Variants in KDM4C observed in about 807,000 individuals in gnomAD.
KDM4C encodes lysine-specific demethylase 4C.
In KDM4C, 81 loss-of-function variants were observed where a neutral mutation model predicts 129.3. The observed-to-expected ratio is 0.63, with a 90% CI of 0.52 to 0.75. KDM4C has a LOEUF of 0.75. Among genes scored for constraint, KDM4C ranks in the 30% least tolerant of loss-of-function variants. The probability of loss-of-function intolerance (pLI) is 0.00; values close to 1 mark genes in which losing one functional copy is unlikely to be tolerated. For missense variants in KDM4C, 1,457 were observed against 1,304.0 expected, an observed-to-expected ratio of 1.12 and a Z score of -1.81; for synonymous variants, 573 against 456.1, an observed-to-expected ratio of 1.26 and a Z score of -3.26.
chr9:6,897,644 G>T (rs571641702), intron 8 of KDM4C, among the ~76,000 whole-genome samples: 1 of 152,272 alleles, frequency 6.6e-6, no homozygotes, highest in East Asian at 1.9e-4. Context: ...TGCCCAGTGA[G>T]TTCCTCCTGT....
At chr9:6,843,018 C>T (rs1178662010) in intron 4 of KDM4C, among the ~76,000 whole-genome samples, 1 of 152,156 alleles carries the variant, frequency 6.6e-6, no homozygotes, top group Admixed American at 6.5e-5. Flanking sequence ...TAACTTCCAC[C>T]GCCAGGGTTC....
chr9:7,107,770 C>G (rs1466789289), intron 18 of KDM4C, among the ~76,000 whole-genome samples: 1 of 152,138 alleles, frequency 6.6e-6, no homozygotes, highest in African/African-American at 2.4e-5. Context: ...AGAGAAAACG[C>G]TGTATTGGTT....
At position 7,049,110 on chromosome 9, in the gene KDM4C, C is replaced by T. The variant is rs773293209; in HGVS notation, c.2334C>T (p.Cys778=). The change falls in exon 17 of 22, where the codon TGC becomes TGT. Residue 778 remains cysteine (C), a synonymous_variant. Transcript: ENST00000381309. ...TKNNKWAHVM[C]AVAVPEVRFT... ...CCTGTAGGTGGGCCCATGTCATGTG[C>T]GCCGTTGCGGTCCCAGAAGTTCGAT... 1.5e-5 allele frequency: 24 copies of T among 1,611,430 alleles called. No homozygotes were observed. Among genetic ancestry groups the T allele is most frequent in the African/African-American group, 2.7e-5 (2 of 74,752 alleles).
At chr9:7,096,294 T>C (rs994514604) in intron 17 of KDM4C, among the ~76,000 whole-genome samples, 1 of 152,190 alleles carries the variant, frequency 6.6e-6, no homozygotes, top group Non-Finnish European at 1.5e-5. Flanking sequence ...GCCTTTAATA[T>C]TTAATTTCTT....
chr9:6,734,903 C>T, intron 1 of KDM4C: 4 of 567,886 alleles, frequency 7.0e-6, no homozygotes, highest in Non-Finnish European at 1.4e-5. Context: ...AAGGTAGTCC[C>T]CAGTCTGTGC....
At chr9:6,833,769 A>C (rs920668323) in intron 4 of KDM4C, among the ~76,000 whole-genome samples, 6 of 152,214 alleles carry the variant, frequency 3.9e-5, no homozygotes, top group African/African-American at 1.4e-4. Flanking sequence ...CCAGGCCTTA[A>C]CGAGATAGTT....
chr9:6,911,631 T>C (rs1348494007), intron 8 of KDM4C, among the ~76,000 whole-genome samples: 1 of 152,254 alleles, frequency 6.6e-6, no homozygotes, highest in Non-Finnish European at 1.5e-5. Context: ...TATAAAATGT[T>C]CATATTTAGT....
At chr9:7,124,408 C>G (rs569662598) in intron 18 of KDM4C, among the ~76,000 whole-genome samples, 2 of 152,204 alleles carry the variant, frequency 1.3e-5, no homozygotes, top group African/African-American at 4.8e-5. Context: ...CTCAGGGCCA[C>G]TGTCTGTGGC....
chr9:6,854,660 T>C (rs1839485334), intron 5 of KDM4C, among the ~76,000 whole-genome samples: 1 of 151,998 alleles, frequency 6.6e-6, no homozygotes. Context: ...TTCCTGAAGG[T>C]TTTTAGAAAA....
intron 19 of KDM4C, among the ~76,000 whole-genome samples, chr9:7,148,352 T>C (rs1842410503): frequency 1.3e-5 from 2 of 152,168 alleles, no homozygotes; most frequent in Non-Finnish European, 2.9e-5. Context: ...TTCAGCCCAT[T>C]TGTGTTACAG....
intron 8 of KDM4C, among the ~76,000 whole-genome samples, chr9:6,956,266 A>T (rs1829049286): frequency 1.3e-5 from 2 of 152,246 alleles, no homozygotes; most frequent in Non-Finnish European, 2.9e-5. Flanking sequence ...GATTGTTTGT[A>T]ACTCAAAGGA....
chr9:6,876,525 A>G (rs1435876411), intron 5 of KDM4C, among the ~76,000 whole-genome samples: 1 of 152,188 alleles, frequency 6.6e-6, no homozygotes, highest in African/African-American at 2.4e-5. Flanking sequence ...GGTTGCTGGA[A>G]AACACATGAA....
chr9:6,743,795 C>T (rs1293036622), intron 1 of KDM4C, among the ~76,000 whole-genome samples: 1 of 152,126 alleles, frequency 6.6e-6, no homozygotes, highest in Non-Finnish European at 1.5e-5. Flanking sequence ...GCGTGAGTCA[C>T]CATGCCTGTC....
chr9:6,762,717 G>C (rs868822240), intron 1 of KDM4C, among the ~76,000 whole-genome samples: 1 of 149,166 alleles, frequency 6.7e-6, no homozygotes, highest in Non-Finnish European at 1.5e-5. Context: ...GGAGTGCAGT[G>C]GTGTGATTTT....
intron 4 of KDM4C, among the ~76,000 whole-genome samples, chr9:6,826,822 G>A (rs1010393523): frequency 2.0e-5 from 3 of 151,442 alleles, no homozygotes; most frequent in South Asian, 2.1e-4. Context: ...AGCTGAGATC[G>A]CGCCACTGCA....
rs143408901 is a variant in KDM4C, at chr9:6,983,063, G to A, written c.1116-1103G>A. Among the ~76,000 whole-genome samples, 239 of 152,278 alleles carry A rather than the reference G, an allele frequency of 1.6e-3. 2 individuals are homozygous for A. The highest frequency in any genetic ancestry group is 4.6e-3 in the African/African-American group (190 of 41,568). ...TATACTACACTGTTTATAATGTTGA[G>A]ATTTTCCCACATCAGCCAATGCATG... On this transcript the variant is annotated intron_variant, in intron 9 of 21. Coordinates refer to ENST00000381309, the MANE Select transcript of KDM4C (RefSeq NM_015061.6).
At chr9:6,767,249 C>T (rs577613779) in intron 1 of KDM4C, among the ~76,000 whole-genome samples, 1 of 152,180 alleles carries the variant, frequency 6.6e-6, no homozygotes, top group African/African-American at 2.4e-5. Context: ...CGCCATTCTC[C>T]TGCCTCAGCC....
chr9:7,137,018 C>G (rs1174362693), intron 19 of KDM4C, among the ~76,000 whole-genome samples: 2 of 152,206 alleles, frequency 1.3e-5, no homozygotes, highest in African/African-American at 4.8e-5. Context: ...TCAGAAACCT[C>G]TCTTTCTATA....
intron 8 of KDM4C, among the ~76,000 whole-genome samples, chr9:6,962,678 A>T (rs552075235): frequency 8.5e-5 from 13 of 152,308 alleles, no homozygotes; most frequent in Non-Finnish European, 1.5e-4. Flanking sequence ...CATCAGCTGT[A>T]ATGACTGTCA....
Sources: allele counts gnomAD v4.1 joint callset (sites outside exome capture counted in the v4.1 genomes callset), GRCh38; gene constraint gnomAD v4.1.1; transcripts MANE v1.5; gene names NCBI Gene and HGNC (gene_info 2026-07-23, HGNC 2026-07-21).